GGTLC1: variants seen among roughly 807,000 people sequenced by gnomAD.
GGTLC1 encodes gamma-glutamyltransferase light chain 1.
A neutral mutation model predicts 19.5 loss-of-function variants in GGTLC1; 14 were observed. That is an observed-to-expected ratio of 0.72 (90% CI 0.47 to 1.12). GGTLC1 has a LOEUF of 1.12. GGTLC1 is among the 50% of genes most tolerant of loss of function. The pLI is 0.00. For missense variants in GGTLC1, 304 were observed against 309.2 expected (o/e 0.98, Z 0.13); for synonymous variants, 110 against 124.2 (o/e 0.89, Z 0.76).
At chr20:23,985,625 G>A (rs770553858) in intron 5 of GGTLC1, 42 bp downstream of exon 5, 1 of 1,611,054 alleles carries the variant, frequency 6.2e-7, no homozygotes, top group Non-Finnish European at 8.5e-7. Flanking sequence ...CGATGCCCTG[G>A]GGCCCCACAC....
At position 23,986,603 on chromosome 20, in the gene GGTLC1, G is replaced by T; in HGVS notation, c.9C>A (p.Ser3=). ...CCCGGAGCTGGGCAGAGAAGAACTC[G>T]GAGGTCATGTCGCGGACCACCTGCC... is the stretch of plus-strand genomic sequence containing the variant. MT[S]EFFSAQLRAQ... is the part of the protein sequence containing the mutation. Residue 3 remains serine, a synonymous_variant, in exon 2 of 6, where the codon TCC becomes TCA. Coordinates refer to ENST00000335694, the MANE Select transcript of GGTLC1 (RefSeq NM_178311.3). The T allele has an allele frequency of 6.2e-7, 1 of 1,611,424 alleles. No individual in the cohort carries two copies. Among genetic ancestry groups the T allele is most frequent in the Non-Finnish European group, 8.5e-7 (1 of 1,179,648 alleles).
chr20:23,987,924 CTG>C (rs1371528787), intron 1 of GGTLC1, among the ~76,000 whole-genome samples: 1 of 133,912 alleles, frequency 7.5e-6, no homozygotes, highest in African/African-American at 3.1e-5. Context: ...TGGCGGGCGC[CTG>C]TAGTCCCAAC....
In GGTLC1 at chr20:23,985,942, T is replaced by A; in HGVS notation, c.337A>T (p.Ile113Phe). 5 of 1,611,982 alleles carry A rather than the reference T, an allele frequency of 3.1e-6. No homozygotes were observed. The highest frequency in any genetic ancestry group is 4.2e-6 in the Non-Finnish European group (5 of 1,179,858). The change falls in exon 4 of 6, where the codon ATC (isoleucine) becomes TTC (phenylalanine). Residue 113 changes from isoleucine (I) to phenylalanine (F), a missense_variant. By Grantham distance (21) the Ile-to-Phe change is conservative (BLOSUM62 0). Transcript: ENST00000335694. ...KQPLSSMCPT[I>F]MVGQDGQVRM... ...ACCTGGCCGTCCTGGCCCACCATGA[T>A]CGTCGGGCACATGGACGAGAGCGGC...
chr20:23,988,237 G>C (rs552794042), intron 1 of GGTLC1, among the ~76,000 whole-genome samples: 47 of 151,062 alleles, frequency 3.1e-4, no homozygotes, highest in Middle Eastern at 3.4e-3. Context: ...TACTAGAGAC[G>C]GGGTTTCGCT....
At chr20:23,988,452 G>A (rs1260319292) in intron 1 of GGTLC1, among the ~76,000 whole-genome samples, 157 bp downstream of exon 1, 1 of 152,088 alleles carries the variant, frequency 6.6e-6, no homozygotes, top group Non-Finnish European at 1.5e-5. Flanking sequence ...CTCAGCAGGA[G>A]AGCAGGAATC....
At chr20:23,986,280 A>G (rs557323567) in intron 2 of GGTLC1, 77 bp from the exon 3 acceptor site, 1 of 1,598,026 alleles carries the variant, frequency 6.3e-7, no homozygotes, top group South Asian at 1.1e-5. Flanking sequence ...TGAGGCTCAA[A>G]CATACTCACT....
chr20:23,985,482 C>T lies in GGTLC1; in HGVS notation c.532-120G>A, dbSNP rs569672027. ...TTTCAGGCCAGGTCATCAGGAAGAG[C>T]AGGTTGGGGCCTGCTGGGTCTCATT... On this transcript the variant is annotated intron_variant, in intron 5 of 5. Transcript: ENST00000335694. 340 of 1,600,406 alleles carry T rather than the reference C, an allele frequency of 2.1e-4. 4 individuals carry two copies. In the South Asian group the frequency reaches 3.6e-3, roughly 17 times the overall value.
At position 23,985,092 on chromosome 20, in the gene GGTLC1, A is replaced by T; in HGVS notation, c.*124T>A. ...AGGGAGGCCACCTGGAGCCTGGCACAGTGGCCTCATTTATTGTGCTGCTCT... is the reference window on the plus strand; with the variant it reads ...AGGGAGGCCACCTGGAGCCTGGCACTGTGGCCTCATTTATTGTGCTGCTCT... On this transcript the variant is annotated 3_prime_UTR_variant, in exon 6 of 6. Transcript: ENST00000335694. The T allele has an allele frequency of 6.9e-7, 1 of 1,441,852 alleles. No individual in the cohort carries two copies. The highest frequency in any genetic ancestry group is 9.5e-7 in the Non-Finnish European group (1 of 1,051,482). The allele number at this position is 1,441,852 out of a possible 1,614,324, so 89.3% of individuals were successfully genotyped here.
At position 23,986,652 on chromosome 20, in the gene GGTLC1, AG is replaced by A; in HGVS notation, c.-34-8del. ...CCGAGACCCCAGAGCTGGCCTAGGG[AG>A]GTGGGGAGGGAGGGTGGGGAGGGGG... On this transcript the variant is annotated splice_polypyrimidine_tract_variant and splice_region_variant and intron_variant, in intron 1 of 5. Coordinates refer to ENST00000335694, the MANE Select transcript of GGTLC1 (RefSeq NM_178311.3). 2 of 291,870 alleles carry A rather than the reference AG, an allele frequency of 6.9e-6. No individual in the cohort carries two copies. Among genetic ancestry groups the A allele is most frequent in the Non-Finnish European group, 1.3e-5 (2 of 151,548 alleles). The allele number at this position is 291,870 out of a possible 1,614,324, so 18.1% of individuals were successfully genotyped here.
rs143487091 is a variant in GGTLC1 at position 23,986,570 on chromosome 20, G to A, written c.42C>T (p.Ile14=). The change falls in exon 2 of 6, where the codon ATC becomes ATT. Residue 14 remains isoleucine, a synonymous_variant. Coordinates refer to ENST00000335694, the MANE Select transcript of GGTLC1 (RefSeq NM_178311.3). Reference sequence around the variant, plus strand: ...AGATCGGGTGAGTGGTGTCGTCAGAGATCTGGGCCCGGAGCTGGGCAGAGA... The same window carrying A: ...AGATCGGGTGAGTGGTGTCGTCAGAAATCTGGGCCCGGAGCTGGGCAGAGA... The part of the protein sequence containing the change: ...EFFSAQLRAQ[I]SDDTTHPISY... 2 of 1,607,994 alleles carry A rather than the reference G, an allele frequency of 1.2e-6. No homozygotes were observed. The highest frequency in any genetic ancestry group is 2.7e-5 in the African/African-American group (2 of 74,564).
rs973758007 is a variant in GGTLC1 at position 23,986,619 on chromosome 20, A to G, written c.-8T>C. 1.5e-6 allele frequency: 2 copies of G among 1,354,094 alleles called. No homozygotes were observed. Among genetic ancestry groups the G allele is most frequent in the African/African-American group, 3.1e-5 (2 of 64,370 alleles). The allele number at this position is 1,354,094 out of a possible 1,614,324, so 83.9% of individuals were successfully genotyped here. A position where few individuals can be genotyped will look rare whatever the true frequency, so the allele number is the denominator to read the frequency against. ...GAAGAACTCGGAGGTCATGTCGCGG[A>G]CCACCTGCCGAGACCCCAGAGCTGG... On this transcript the variant is annotated 5_prime_UTR_variant, in exon 2 of 6. Coordinates refer to ENST00000335694, the MANE Select transcript of GGTLC1 (RefSeq NM_178311.3).
In GGTLC1 at chr20:23,985,083, G is replaced by A. The variant is rs1987790049; in HGVS notation, c.*133C>T. On this transcript the variant is annotated 3_prime_UTR_variant, in exon 6 of 6. Coordinates refer to ENST00000335694, the MANE Select transcript of GGTLC1 (RefSeq NM_178311.3). ...AGACAGGCCAGGGAGGCCACCTGGA[G>A]CCTGGCACAGTGGCCTCATTTATTG... is the stretch of plus-strand genomic sequence containing the variant. 2.2e-6 allele frequency: 3 copies of A among 1,380,024 alleles called. No individual in the cohort carries two copies. The highest frequency in any genetic ancestry group is 2.6e-5 in the South Asian group (2 of 76,340). 85.5% of individuals were successfully genotyped at this position (1,380,024 alleles called of 1,614,324 possible). A position where few individuals can be genotyped will look rare whatever the true frequency, so the allele number is the denominator to read the frequency against.
Position 23,986,275 on chromosome 20 carries a change from C to T in GGTLC1, c.177-72G>A. 6 of 1,594,772 alleles carry T rather than the reference C, an allele frequency of 3.8e-6. No homozygotes were observed. In the South Asian group the frequency reaches 6.9e-5, roughly 18 times the overall value. On this transcript the variant is annotated intron_variant, in intron 2 of 5. Coordinates refer to ENST00000335694, the MANE Select transcript of GGTLC1 (RefSeq NM_178311.3). Reference sequence around the variant, plus strand: ...CCTGGTCCCTATCCACCCACTGAGGCTCAAACATACTCACTGAGAGGCTCA... The same window carrying T: ...CCTGGTCCCTATCCACCCACTGAGGTTCAAACATACTCACTGAGAGGCTCA...
In GGTLC1 at chr20:23,985,479, G is replaced by T. The variant is rs138067153; in HGVS notation, c.532-117C>A. 1,282 of 1,601,940 alleles carry T rather than the reference G, an allele frequency of 8.0e-4. 5 individuals are homozygous for T. The African/African-American group carries it at 0.015, about 19-fold the overall frequency. ...CCATTTCAGGCCAGGTCATCAGGAAGAGCAGGTTGGGGCCTGCTGGGTCTC... is the reference window on the plus strand; with the variant it reads ...CCATTTCAGGCCAGGTCATCAGGAATAGCAGGTTGGGGCCTGCTGGGTCTC... On this transcript the variant is annotated intron_variant, in intron 5 of 5. Coordinates refer to ENST00000335694, the MANE Select transcript of GGTLC1 (RefSeq NM_178311.3).
At chr20:23,986,006 G>C (rs549002943) in intron 3 of GGTLC1, 32 bp from the exon 4 acceptor site, 1 of 1,611,992 alleles carries the variant, frequency 6.2e-7, no homozygotes, top group Non-Finnish European at 8.5e-7. Context: ...AGGGATGCCC[G>C]TCAGCTGCCT....
In GGTLC1 at chr20:23,986,638, G is replaced by A; in HGVS notation, c.-27C>T. ...TCGCGGACCACCTGCCGAGACCCCA[G>A]AGCTGGCCTAGGGAGGTGGGGAGGG... On this transcript the variant is annotated 5_prime_UTR_variant, in exon 2 of 6. Coordinates refer to ENST00000335694, the MANE Select transcript of GGTLC1 (RefSeq NM_178311.3). 1.9e-6 allele frequency: 3 copies of A among 1,596,320 alleles called. No homozygotes were observed. In the East Asian group the frequency reaches 6.9e-5, roughly 37 times the overall value.
Position 23,986,513 on chromosome 20 carries a change from A to C in GGTLC1, c.99T>G (p.Asp33Glu), listed in dbSNP as rs565707134. The change falls in exon 2 of 6, where the codon GAT becomes GAG. Residue 33 changes from aspartate (D) to glutamate (E), a missense_variant. Transcript: ENST00000335694. Reference sequence around the variant, plus strand: ...CAGACAGGTGAGCAGTGCCCCCGTCATCCGGCATGTAGAACTCGGGCTTGT... The same window carrying C: ...CAGACAGGTGAGCAGTGCCCCCGTCCTCCGGCATGTAGAACTCGGGCTTGT... ...SYYKPEFYMPDDGGTAHLSVV... is the reference protein window; with the variant it reads ...SYYKPEFYMPEDGGTAHLSVV... 1 of 1,612,016 alleles carries C rather than the reference A, an allele frequency of 6.2e-7. No homozygotes were observed. Among genetic ancestry groups the C allele is most frequent in the African/African-American group, 1.3e-5 (1 of 74,974 alleles).
chr20:23,985,812 G>C (rs765490167), intron 4 of GGTLC1, 32 bp from the exon 5 acceptor site: 1 of 1,611,918 alleles, frequency 6.2e-7, no homozygotes, highest in Non-Finnish European at 8.5e-7. Context: ...AGCATGGCTT[G>C]GGGGCTGTGC....
intron 2 of GGTLC1, 104 bp from the exon 3 acceptor site, chr20:23,986,307 G>A: frequency 6.2e-7 from 1 of 1,605,814 alleles, no homozygotes; most frequent in Non-Finnish European, 8.5e-7. Context: ...CTCAGGATAA[G>A]CTACCAAGGT....
Sources: gnomAD v4.1 joint callset for allele counts (sites outside exome capture counted in the v4.1 genomes callset) on GRCh38, gnomAD v4.1.1 for gene constraint, MANE v1.5 for transcripts, NCBI Gene and HGNC (gene_info 2026-07-23, HGNC 2026-07-21) for gene names.